Variants in PRKCZ observed in about 807,000 individuals in gnomAD.
PRKCZ encodes the protein protein kinase C zeta type.
In PRKCZ, 33 loss-of-function variants were observed where a neutral mutation model predicts 79.5. The ratio of observed to expected loss-of-function variants is 0.41; its 90% CI spans 0.31 to 0.55. The LOEUF is 0.55. Ranked by LOEUF, PRKCZ falls within the 20% of genes least tolerant of loss-of-function variation. The pLI, the probability that PRKCZ is intolerant of heterozygous loss-of-function variation, is 0.19. For missense variants in PRKCZ, 578 were observed against 813.5 expected (o/e 0.71, Z 3.52); for synonymous variants, 342 against 320.9 (o/e 1.07, Z -0.70).
At chr1:2,079,521 G>A (rs550114675) in intron 4 of PRKCZ, among the ~76,000 whole-genome samples, 6 of 152,338 alleles carry the variant, frequency 3.9e-5, no homozygotes, top group East Asian at 3.9e-4. Context: ...CACCAGCCAC[G>A]TGACCTCGGC....
chr1:2,148,457 C>G (rs1402787197), intron 7 of PRKCZ, among the ~76,000 whole-genome samples: 1 of 152,146 alleles, frequency 6.6e-6, no homozygotes, highest in Admixed American at 6.5e-5. Context: ...TGTCCACTGA[C>G]CTCTCCATCT....
intron 8 of PRKCZ, among the ~76,000 whole-genome samples, chr1:2,150,297 C>T (rs984246770): frequency 2.0e-5 from 3 of 152,160 alleles, no homozygotes; most frequent in Admixed American, 2.0e-4. Flanking sequence ...TTCCTCGGAG[C>T]GCCTTTCTCC....
intron 4 of PRKCZ, among the ~76,000 whole-genome samples, chr1:2,105,930 C>G (rs551241989): frequency 2.6e-5 from 4 of 152,290 alleles, no homozygotes; most frequent in South Asian, 2.1e-4. Flanking sequence ...CCCCACCCCC[C>G]CACACACACA....
At chr1:2,179,051 C>T (rs1406927631) in intron 16 of PRKCZ, among the ~76,000 whole-genome samples, 1 of 152,226 alleles carries the variant, frequency 6.6e-6, no homozygotes, top group East Asian at 1.9e-4. Flanking sequence ...TGGAGCCTGG[C>T]CTCTGCACAC....
chr1:2,157,956 C>T (rs1036399681), intron 10 of PRKCZ, among the ~76,000 whole-genome samples: 2 of 152,220 alleles, frequency 1.3e-5, no homozygotes, highest in African/African-American at 4.8e-5. Flanking sequence ...GGTCCTAGGC[C>T]CTGGGTGCAA....
intron 4 of PRKCZ, among the ~76,000 whole-genome samples, chr1:2,118,243 C>T (rs1227515878): frequency 7.3e-5 from 11 of 151,684 alleles, no homozygotes; most frequent in Middle Eastern, 3.4e-3. Context: ...GTGATCCGCC[C>T]GCCTTGGCCT....
chr1:2,052,189 G>A lies in PRKCZ; in HGVS notation c.71+1488G>A, dbSNP rs568506454. On this transcript the variant is annotated intron_variant, in intron 1 of 17. Transcript: ENST00000378567. ...GGTCCACACCCGAGGGGCTGCAGGG[G>A]CCCAGACCCTCCTGCATTCCGGCGT... Among the ~76,000 whole-genome samples, 4 of 152,284 alleles carry A rather than the reference G, an allele frequency of 2.6e-5. 1 individual carries two copies. The highest frequency in any genetic ancestry group is 3.4e-3 in the Middle Eastern group (1 of 294).
chr1:2,085,223 CT>C (rs1383236805), intron 4 of PRKCZ, among the ~76,000 whole-genome samples: 1 of 152,216 alleles, frequency 6.6e-6, no homozygotes, highest in African/African-American at 2.4e-5. Context: ...CTCTCTGAAA[CT>C]TCAGCAACTT....
chr1:2,180,487 AGAC>A (rs1313788617), intron 16 of PRKCZ, among the ~76,000 whole-genome samples: 3 of 151,596 alleles, frequency 2.0e-5, no homozygotes, highest in East Asian at 1.9e-4. Flanking sequence ...GCGGACGCAC[AGAC>A]GACGCGGACG....
At chr1:2,124,374 C>T (rs77012911) in intron 4 of PRKCZ, among the ~76,000 whole-genome samples, 334 of 1,642 alleles carry the variant, frequency 0.2, 55 homozygotes, top group African/African-American at 0.33. Flanking sequence ...GTCACGGCGG[C>T]GGTTAGGGTC....
chr1:2,052,352 C>G (rs1441939256), intron 1 of PRKCZ, among the ~76,000 whole-genome samples: 2 of 151,926 alleles, frequency 1.3e-5, no homozygotes, highest in Non-Finnish European at 2.9e-5. Context: ...TCTGGTTTCC[C>G]AGGCTGGAGA....
intron 10 of PRKCZ, among the ~76,000 whole-genome samples, chr1:2,167,207 C>G (rs552697366): frequency 6.0e-4 from 91 of 152,264 alleles, no homozygotes; most frequent in Non-Finnish European, 1.1e-3. Context: ...GCAGAGAGAA[C>G]TGGCTTTCAG....
At chr1:2,102,670 A>G (rs61775409) in intron 4 of PRKCZ, among the ~76,000 whole-genome samples, 1,662 of 152,206 alleles carry the variant, frequency 0.011, 11 homozygotes, top group Non-Finnish European at 0.017. Flanking sequence ...GAGTAATGAT[A>G]GATTTCTAGA....
chr1:2,100,176 C>T (rs1667206484), intron 4 of PRKCZ, among the ~76,000 whole-genome samples: 1 of 152,276 alleles, frequency 6.6e-6, no homozygotes, highest in Non-Finnish European at 1.5e-5. Flanking sequence ...CAAATGCATA[C>T]TGCTGGCCTT....
chr1:2,169,132 C>A (rs534952075), intron 10 of PRKCZ: 24 of 458,110 alleles, frequency 5.2e-5, no homozygotes, highest in African/African-American at 4.2e-4. Flanking sequence ...TGTCCCCATG[C>A]AAGAAACTGC....
At chr1:2,155,778 T>C (rs1052348031) in intron 9 of PRKCZ, among the ~76,000 whole-genome samples, 6 of 151,458 alleles carry the variant, frequency 4.0e-5, no homozygotes. Context: ...GTGGTGATGA[T>C]GACAGTGACA....
chr1:2,103,190 T>A (rs1420293810), intron 4 of PRKCZ, among the ~76,000 whole-genome samples: 2 of 152,174 alleles, frequency 1.3e-5, no homozygotes, highest in Non-Finnish European at 2.9e-5. Flanking sequence ...ATTGTACTCA[T>A]ATCTCTGTTT....
chr1:2,079,377 GACAGGTCAAGAAATT>G (rs1663052010), intron 4 of PRKCZ, among the ~76,000 whole-genome samples: 1 of 152,248 alleles, frequency 6.6e-6, no homozygotes, highest in Non-Finnish European at 1.5e-5. Flanking sequence ...CTGAGGCACA[GACAGGTCAAGAAATT>G]TCCCAGAATC....
chr1:2,154,924 G>A (rs937048375), intron 9 of PRKCZ, among the ~76,000 whole-genome samples: 9 of 152,194 alleles, frequency 5.9e-5, no homozygotes, highest in East Asian at 1.9e-4. Flanking sequence ...ACTCGGTAGC[G>A]CTGGGACCTT....
Sources: allele counts gnomAD v4.1 joint callset (sites outside exome capture counted in the v4.1 genomes callset), GRCh38; gene constraint gnomAD v4.1.1; transcripts MANE v1.5; gene names NCBI Gene and HGNC (gene_info 2026-07-23, HGNC 2026-07-21).